Variants in HMGCLL1 observed in about 807,000 individuals in gnomAD.
HMGCLL1 encodes the protein 3-hydroxy-3-methylglutaryl-CoA lyase like 1.
In HMGCLL1, 36 loss-of-function variants were observed where a neutral mutation model predicts 39.1. The observed-to-expected ratio is 0.92, with a 90% CI of 0.71 to 1.22. The LOEUF (loss-of-function observed/expected upper bound fraction) is 1.22, where lower values mean the gene tolerates loss of function less well. Among genes scored for constraint, HMGCLL1 ranks in the 50% most tolerant of loss-of-function variants. The probability of loss-of-function intolerance (pLI) is 0.00; values close to 1 mark genes in which losing one functional copy is unlikely to be tolerated. For synonymous variants in HMGCLL1, 149 were observed against 144.0 expected, an observed-to-expected ratio of 1.03 and a Z score of -0.25; for missense variants, 451 against 416.5, an observed-to-expected ratio of 1.08 and a Z score of -0.72.
At chr6:55,636,433 A>C in the HMGCLL1 span, among the ~76,000 whole-genome samples, 3 of 152,202 alleles carry the variant, frequency 2.0e-5, no homozygotes, top group Non-Finnish European at 4.4e-5. Flanking sequence ...TGGCTATACC[A>C]GTGGCAACTC....
intron 3 of HMGCLL1, among the ~76,000 whole-genome samples, chr6:55,527,279 ATT>A: frequency 6.6e-6 from 1 of 152,138 alleles, no homozygotes; most frequent in African/African-American, 2.4e-5. Flanking sequence ...CATCAGCATT[ATT>A]TGAGGTACTT....
chr6:55,536,204 C>T (rs1394726229), intron 3 of HMGCLL1, among the ~76,000 whole-genome samples: 3 of 152,076 alleles, frequency 2.0e-5, no homozygotes, highest in Admixed American at 1.3e-4. Flanking sequence ...CTTTTACATA[C>T]ATTTCTTTCT....
intron 3 of HMGCLL1, among the ~76,000 whole-genome samples, chr6:55,518,535 G>A (rs1029300213): frequency 1.6e-4 from 25 of 152,028 alleles, no homozygotes; most frequent in Non-Finnish European, 8.8e-5. Context: ...AGAATGTAGT[G>A]GAAATCATAC....
the HMGCLL1 span, among the ~76,000 whole-genome samples, chr6:55,590,363 A>G: frequency 1.3e-5 from 2 of 152,178 alleles, no homozygotes; most frequent in African/African-American, 2.4e-5. Flanking sequence ...GAAAGCTGAT[A>G]CAGGATCCCT....
the HMGCLL1 span, among the ~76,000 whole-genome samples, chr6:55,627,853 C>A: frequency 1.0e-5 from 1 of 95,488 alleles, no homozygotes; most frequent in South Asian, 3.0e-4. Context: ...ACCTTGTGAT[C>A]ATGTAAGTTA....
At chr6:55,606,184 CA>C in the HMGCLL1 span, among the ~76,000 whole-genome samples, 10 of 152,070 alleles carry the variant, frequency 6.6e-5, no homozygotes, top group African/African-American at 2.4e-4. Context: ...ATTCGAGCTA[CA>C]GACAGAAGTT....
intron 7 of HMGCLL1, among the ~76,000 whole-genome samples, chr6:55,487,815 G>A (rs1025141549): frequency 5.3e-5 from 8 of 151,720 alleles, no homozygotes; most frequent in African/African-American, 1.9e-4. Context: ...GCTGTCCACT[G>A]TTTTCAGTAT....
rs138722761 is a variant in HMGCLL1 at position 55,481,356 on chromosome 6, G to A, written c.795+14063C>T. Among the ~76,000 whole-genome samples the A allele has an allele frequency of 4.2e-3, 636 of 152,110 alleles. 7 individuals are homozygous for A. Among genetic ancestry groups the A allele is most frequent in the African/African-American group, 0.014 (599 of 41,502 alleles). The stretch of plus-strand genomic sequence containing the variant: ...AGCCTGGGTGACAAAGTGAGACCCT[G>A]TCTCAAAAAATTTATTGTACATTTA... On this transcript the variant is annotated intron_variant, in intron 7 of 8. Coordinates refer to ENST00000274901, the MANE Select transcript of HMGCLL1 (RefSeq NM_001042406.2).
chr6:55,590,071 C>A, the HMGCLL1 span, among the ~76,000 whole-genome samples: 1 of 151,970 alleles, frequency 6.6e-6, no homozygotes, highest in Non-Finnish European at 1.5e-5. Flanking sequence ...TCATATGGAA[C>A]CAAAAAAGAA....
chr6:55,448,680 G>T (rs971397249), intron 7 of HMGCLL1, among the ~76,000 whole-genome samples: 2 of 151,982 alleles, frequency 1.3e-5, no homozygotes, highest in Non-Finnish European at 2.9e-5. Flanking sequence ...GTTGTTGATT[G>T]GATAATGCTC....
chr6:55,540,425 A>T (rs1289454390), intron 3 of HMGCLL1, among the ~76,000 whole-genome samples: 1 of 152,150 alleles, frequency 6.6e-6, no homozygotes, highest in East Asian at 1.9e-4. Context: ...GAATGGCATT[A>T]GTAACATGAT....
At chr6:55,614,938 T>C in the HMGCLL1 span, among the ~76,000 whole-genome samples, 1 of 152,020 alleles carries the variant, frequency 6.6e-6, no homozygotes, top group Non-Finnish European at 1.5e-5. Context: ...GCCAAGAGTT[T>C]GAAAGCAGCG....
Position 55,475,952 on chromosome 6 carries a change from A to T in HMGCLL1, c.795+19467T>A, listed in dbSNP as rs181289321. ...TCTTTTCTTTGTGGTCTATATGCCC[A>T]TTCTTGTATTGCTATCACACATCTT... On this transcript the variant is annotated intron_variant, in intron 7 of 8. Coordinates refer to ENST00000274901, the MANE Select transcript of HMGCLL1 (RefSeq NM_001042406.2). Among the ~76,000 whole-genome samples, 5 of 151,716 alleles carry T rather than the reference A, an allele frequency of 3.3e-5. No individual in the cohort carries two copies. In the East Asian group the frequency reaches 9.7e-4, roughly 29 times the overall value.
the HMGCLL1 span, among the ~76,000 whole-genome samples, chr6:55,653,988 T>G: frequency 2.0e-5 from 3 of 152,090 alleles, no homozygotes; most frequent in East Asian, 5.8e-4. Flanking sequence ...CCACGGAGAT[T>G]TCTGATGGTA....
the HMGCLL1 span, among the ~76,000 whole-genome samples, chr6:55,647,641 TAAAC>T: frequency 2.0e-5 from 3 of 151,578 alleles, no homozygotes; most frequent in Admixed American, 6.6e-5. Flanking sequence ...ACTGACTGCA[TAAAC>T]AAACAAACAC....
the HMGCLL1 span, among the ~76,000 whole-genome samples, chr6:55,663,880 GA>G: frequency 6.6e-6 from 1 of 151,892 alleles, no homozygotes; most frequent in South Asian, 2.1e-4. Context: ...ATATATTTAG[GA>G]GAGTTAGTTT....
At chr6:55,497,838 CA>C (rs1435200637) in intron 6 of HMGCLL1, among the ~76,000 whole-genome samples, 1 of 151,982 alleles carries the variant, frequency 6.6e-6, no homozygotes, top group Non-Finnish European at 1.5e-5. Context: ...ATACAAAATG[CA>C]AAGAACATTC....
At chr6:55,652,548 G>C in the HMGCLL1 span, among the ~76,000 whole-genome samples, 4 of 152,210 alleles carry the variant, frequency 2.6e-5, no homozygotes, top group East Asian at 3.9e-4. Context: ...ACAGGTATCT[G>C]TGTCTGTGCT....
At chr6:55,492,012 G>A (rs1766334585) in intron 7 of HMGCLL1, among the ~76,000 whole-genome samples, 1 of 151,976 alleles carries the variant, frequency 6.6e-6, no homozygotes. Context: ...CCAGACTGAG[G>A]GGGACGTTCC....
Sources: gnomAD v4.1 joint callset for allele counts (sites outside exome capture counted in the v4.1 genomes callset) on GRCh38, gnomAD v4.1.1 for gene constraint, MANE v1.5 for transcripts, NCBI Gene and HGNC (gene_info 2026-07-23, HGNC 2026-07-21) for gene names.